The following XYLT1 variants were observed in gnomAD, a reference collection of about 807,000 sequenced individuals.
XYLT1 encodes beta-D-xylosyltransferase 1.
In XYLT1, 36 loss-of-function variants were observed where a neutral mutation model predicts 91.3. That is an observed-to-expected ratio of 0.39 (90% CI 0.30 to 0.52). The LOEUF is 0.52. XYLT1 is among the 20% of genes least tolerant of loss of function. The pLI is 0.68. For missense variants in XYLT1, 1,242 were observed against 1,284.5 expected, an observed-to-expected ratio of 0.97 and a Z score of 0.51; for synonymous variants, 588 against 532.0, an observed-to-expected ratio of 1.11 and a Z score of -1.45.
intron 9 of XYLT1, among the ~76,000 whole-genome samples, chr16:17,133,269 T>A (rs1005452488): frequency 2.0e-5 from 3 of 151,986 alleles, no homozygotes; most frequent in Non-Finnish European, 4.4e-5. Context: ...AACAATCTTC[T>A]TCCCCCCAGC....
chr16:17,244,376 C>T (rs760111350), intron 3 of XYLT1, among the ~76,000 whole-genome samples: 1 of 152,112 alleles, frequency 6.6e-6, no homozygotes, highest in Non-Finnish European at 1.5e-5. Flanking sequence ...AGAGATGTTA[C>T]TAACGTGAAA....
At chr16:17,115,874 C>T (rs1189056357) in intron 11 of XYLT1, among the ~76,000 whole-genome samples, 1 of 131,242 alleles carries the variant, frequency 7.6e-6, no homozygotes, top group African/African-American at 2.9e-5. Flanking sequence ...TCAGCAGCAA[C>T]AACAGAAACT....
chr16:17,214,628 T>C (rs552943237), intron 3 of XYLT1, among the ~76,000 whole-genome samples: 173 of 152,242 alleles, frequency 1.1e-3, no homozygotes, highest in Non-Finnish European at 1.9e-3. Context: ...GCAGGCACCA[T>C]TCTGGGAGTG....
intron 2 of XYLT1, among the ~76,000 whole-genome samples, chr16:17,355,930 T>A (rs937471733): frequency 7.9e-5 from 12 of 152,106 alleles, no homozygotes; most frequent in African/African-American, 2.9e-4. Context: ...GCCAGGCTGG[T>A]CTCGAACTCC....
At chr16:17,131,322 G>T (rs2030464056) in intron 9 of XYLT1, among the ~76,000 whole-genome samples, 1 of 152,212 alleles carries the variant, frequency 6.6e-6, no homozygotes, top group African/African-American at 2.4e-5. Flanking sequence ...TAATCAAGAT[G>T]CCGCACAACC....
chr16:17,117,737 T>C lies in XYLT1; in HGVS notation c.2466A>G (p.Thr822=), dbSNP rs2141484206. The C allele has an allele frequency of 6.2e-7, 1 of 1,614,224 alleles. No homozygotes were observed. Among genetic ancestry groups the C allele is most frequent in the Non-Finnish European group, 8.5e-7 (1 of 1,180,038 alleles). The part of the protein sequence containing the change: ...LNLPLRPGVW[T]VKILHHWVPV... ...GCACCCAGTGGTGGAGAATTTTCAC[T>C]GTCCAGACCCCAGGCCTCAGGGGCA... The change falls in exon 11 of 12, where the codon ACA becomes ACG. Residue 822 remains threonine, a synonymous_variant. Transcript: ENST00000261381.
intron 1 of XYLT1, among the ~76,000 whole-genome samples, chr16:17,409,040 C>T (rs1461031706): frequency 2.6e-5 from 4 of 152,066 alleles, no homozygotes; most frequent in Non-Finnish European, 5.9e-5. Context: ...GTGTCAAAAC[C>T]GAAGAAGGCC....
intron 1 of XYLT1, among the ~76,000 whole-genome samples, chr16:17,380,514 A>G (rs769860968): frequency 3.2e-4 from 48 of 152,334 alleles, no homozygotes; most frequent in Non-Finnish European, 3.7e-4. Flanking sequence ...GAATTTTGTT[A>G]TCACATGCTT....
chr16:17,109,680 C>T (rs1597124892), intron 11 of XYLT1, among the ~76,000 whole-genome samples: 1 of 152,178 alleles, frequency 6.6e-6, no homozygotes, highest in Non-Finnish European at 1.5e-5. Context: ...TCTGTGGCTG[C>T]TTTTGTGCTA....
chr16:17,351,748 T>TGGGG (rs1272173955), intron 2 of XYLT1, among the ~76,000 whole-genome samples: 12 of 106,394 alleles, frequency 1.1e-4, no homozygotes, highest in African/African-American at 5.3e-4. Context: ...GGCTTTTTTT[T>TGGGG]TGGGGGGGGG....
At chr16:17,384,467 A>T (rs1012282976) in intron 1 of XYLT1, among the ~76,000 whole-genome samples, 4 of 151,980 alleles carry the variant, frequency 2.6e-5, no homozygotes, top group Non-Finnish European at 4.4e-5. Context: ...AGTGTTTTTA[A>T]ATTTTTCAAT....
chr16:17,299,122 A>G (rs2034357541), intron 2 of XYLT1, among the ~76,000 whole-genome samples: 1 of 152,166 alleles, frequency 6.6e-6, no homozygotes, highest in Non-Finnish European at 1.5e-5. Context: ...ACCCTGGCAC[A>G]TGACAGGCAT....
At chr16:17,167,042 G>C (rs1178386863) in intron 5 of XYLT1, among the ~76,000 whole-genome samples, 1 of 152,208 alleles carries the variant, frequency 6.6e-6, no homozygotes, top group Non-Finnish European at 1.5e-5. Flanking sequence ...ACATCCAGGA[G>C]GTACTCATTT....
chr16:17,432,064 T>C (rs1192834585), intron 1 of XYLT1, among the ~76,000 whole-genome samples: 1 of 152,020 alleles, frequency 6.6e-6, no homozygotes, highest in African/African-American at 2.4e-5. Context: ...CTCTTCACCA[T>C]CCAGTTTATA....
At chr16:17,161,551 G>A (rs1323009995) in intron 5 of XYLT1, among the ~76,000 whole-genome samples, 1 of 152,118 alleles carries the variant, frequency 6.6e-6, no homozygotes, top group Admixed American at 6.5e-5. Context: ...ATTTGGCTGA[G>A]GACCAAATTC....
At chr16:17,301,278 C>A (rs1319335808) in intron 2 of XYLT1, among the ~76,000 whole-genome samples, 3 of 152,042 alleles carry the variant, frequency 2.0e-5, no homozygotes, top group Middle Eastern at 6.8e-3. Context: ...GGCATGGTGG[C>A]GGGCGCCTAT....
Position 17,134,648 on chromosome 16 carries a change from C to T in XYLT1, c.1852G>A (p.Gly618Arg), listed in dbSNP as rs376993485. 131 of 1,614,170 alleles carry T rather than the reference C, an allele frequency of 8.1e-5. No individual in the cohort carries two copies. The highest frequency in any genetic ancestry group is 4.3e-4 in the African/African-American group (32 of 75,030). ...CCCGGGGTACCTGCAGGGTAGTTCC[C>T]GTACAGGTAATAGTCCAGCTGCCCA... ...IIGQLDYYLY[G>R]NYPAGTPGLR... is the part of the protein sequence containing the mutation. The change falls in exon 9 of 12, where the codon GGG becomes AGG. Residue 618 changes from glycine (G) to arginine (R), a missense_variant. By Grantham distance (125) the Gly-to-Arg change is moderately radical. Coordinates refer to ENST00000261381, the MANE Select transcript of XYLT1 (RefSeq NM_022166.4).
chr16:17,272,933 G>A (rs950710942), intron 2 of XYLT1, among the ~76,000 whole-genome samples: 6 of 152,174 alleles, frequency 3.9e-5, no homozygotes, highest in African/African-American at 7.2e-5. Flanking sequence ...TTCTGGAAGC[G>A]TGTGGTGGCA....
intron 1 of XYLT1, among the ~76,000 whole-genome samples, chr16:17,414,271 C>T (rs1292301664): frequency 6.6e-6 from 1 of 152,168 alleles, no homozygotes; most frequent in African/African-American, 2.4e-5. Context: ...TATTTGACCT[C>T]GCTGTGTTGT....
Sources: gnomAD v4.1 joint callset for allele counts (sites outside exome capture counted in the v4.1 genomes callset) on GRCh38, gnomAD v4.1.1 for gene constraint, MANE v1.5 for transcripts, NCBI Gene and HGNC (gene_info 2026-07-23, HGNC 2026-07-21) for gene names.